Variants in TMEM50B observed in about 807,000 individuals in gnomAD.
TMEM50B encodes transmembrane protein 50B, also known as HCV p7-trans-regulated protein 3.
In TMEM50B, 14 loss-of-function variants were observed where a neutral mutation model predicts 23.4. The ratio of observed to expected loss-of-function variants is 0.60; its 90% confidence interval spans 0.39 to 0.93. TMEM50B has a LOEUF of 0.93. Among genes scored for constraint, TMEM50B ranks in the 40% least tolerant of loss-of-function variants. The pLI, the probability that TMEM50B is intolerant of heterozygous loss-of-function variation, is 0.00. For synonymous variants in TMEM50B, 64 were observed against 62.3 expected (o/e 1.03, Z -0.13); for missense variants, 159 against 193.0 (o/e 0.82, Z 1.04).
At chr21:33,466,825 A>C in intron 3 of TMEM50B, among the ~76,000 whole-genome samples, 185 bp downstream of exon 3, 1 of 152,348 alleles carries the variant, frequency 6.6e-6, no homozygotes, top group East Asian at 1.9e-4. Context: ...CTAAAAAGAT[A>C]TATGACCAAA....
intron 8 of TMEM50B, among the ~76,000 whole-genome samples, chr21:33,436,087 G>GT (rs1433854383): frequency 1.3e-5 from 2 of 151,764 alleles, no homozygotes; most frequent in Non-Finnish European, 2.9e-5. Flanking sequence ...GCCGGGTGCA[G>GT]TGGCTCACAC....
intron 7 of TMEM50B, among the ~76,000 whole-genome samples, chr21:33,443,728 G>GT (rs1247859006): frequency 3.9e-5 from 6 of 152,128 alleles, no homozygotes; most frequent in Non-Finnish European, 8.8e-5. Flanking sequence ...CTTTGGCATC[G>GT]TATCGCAGTG....
chr21:33,470,259 G>A (rs968573997), intron 1 of TMEM50B, among the ~76,000 whole-genome samples: 6 of 151,274 alleles, frequency 4.0e-5, no homozygotes, highest in African/African-American at 1.5e-4. Context: ...ATCATTTGAG[G>A]TCACGAGTTC....
At chr21:33,467,892 A>T (rs929742555) in intron 2 of TMEM50B, among the ~76,000 whole-genome samples, 5 of 152,196 alleles carry the variant, frequency 3.3e-5, no homozygotes, top group Admixed American at 1.3e-4. Flanking sequence ...TGCTTCCAAA[A>T]AATGCTGTGG....
chr21:33,439,065 G>A (rs1255709137), intron 8 of TMEM50B: 2 of 152,218 alleles, frequency 1.3e-5, no homozygotes, highest in Non-Finnish European at 2.9e-5. Context: ...GTACCATGCT[G>A]TCTGCAGTGG....
At chr21:33,464,799 C>G (rs929715654) in intron 4 of TMEM50B, among the ~76,000 whole-genome samples, 3 of 52,144 alleles carry the variant, frequency 5.8e-5, no homozygotes, top group Non-Finnish European at 1.1e-4. Context: ...AGCTAAACTC[C>G]GTCTCAAAAA....
intron 1 of TMEM50B, among the ~76,000 whole-genome samples, chr21:33,471,717 A>T (rs549644356): frequency 2.6e-5 from 4 of 152,296 alleles, no homozygotes; most frequent in African/African-American, 9.6e-5. Flanking sequence ...CTAAAAAATA[A>T]ATTAAAATGT....
At chr21:33,474,875 A>G (rs909693198) in intron 1 of TMEM50B, among the ~76,000 whole-genome samples, 1 of 116,310 alleles carries the variant, frequency 8.6e-6, no homozygotes, top group South Asian at 3.4e-4. Flanking sequence ...AAACACAAAC[A>G]AATCAGGACA....
chr21:33,434,980 GT>G (rs1440895168), intron 8 of TMEM50B, among the ~76,000 whole-genome samples: 1 of 152,218 alleles, frequency 6.6e-6, no homozygotes, highest in Admixed American at 6.5e-5. Flanking sequence ...AGGTCTCTGA[GT>G]TACATGGGAA....
At chr21:33,447,459 A>G (rs1193836069), downstream of TMEM50B, among the ~76,000 whole-genome samples, 1 of 152,142 alleles carries the variant, frequency 6.6e-6, no homozygotes, top group East Asian at 1.9e-4. Context: ...CTCCATAAAA[A>G]AGAACAATGA....
intron 2 of TMEM50B, among the ~76,000 whole-genome samples, chr21:33,467,916 T>C (rs1161752790): frequency 2.0e-5 from 3 of 152,128 alleles, no homozygotes; most frequent in Non-Finnish European, 4.4e-5. Flanking sequence ...CCAGGAATGG[T>C]AGTATGAACC....
intron 8 of TMEM50B, among the ~76,000 whole-genome samples, chr21:33,438,596 G>A (rs890672773): frequency 1.2e-4 from 18 of 152,076 alleles, no homozygotes; most frequent in Admixed American, 6.6e-4. Flanking sequence ...TCAGGAGTTC[G>A]AGACCAGCCT....
At chr21:33,435,774 T>A (rs377004384) in intron 8 of TMEM50B, among the ~76,000 whole-genome samples, 2 of 148,692 alleles carry the variant, frequency 1.3e-5, no homozygotes, top group Non-Finnish European at 3.0e-5. Flanking sequence ...TCCCAGCTAC[T>A]TGGGAGGCTG....
At chr21:33,477,765 A>G (rs932890561) in intron 1 of TMEM50B, among the ~76,000 whole-genome samples, 5 of 150,274 alleles carry the variant, frequency 3.3e-5, no homozygotes, top group Admixed American at 2.6e-4. Context: ...GAGCCACGAT[A>G]GCGCCATTGC....
chr21:33,456,154 G>A (rs148119123), intron 5 of TMEM50B: 1 of 474,838 alleles, frequency 2.1e-6, no homozygotes, highest in East Asian at 6.4e-5. Flanking sequence ...TAAACAGTCT[G>A]TTAATTTATT....
In TMEM50B at chr21:33,473,654, C is replaced by CAA. The variant is rs145070351; in HGVS notation, c.-41-4730_-41-4729dup. Among the ~76,000 whole-genome samples the CAA allele has an allele frequency of 1.2e-3, 137 of 118,918 alleles. 4 individuals are homozygous for CAA. The highest frequency in any genetic ancestry group is 3.2e-3 in the South Asian group (12 of 3,768). 78.0% of individuals were successfully genotyped at this position (118,918 alleles called of 152,430 possible). A position where few individuals can be genotyped will look rare whatever the true frequency, so the allele number is the denominator to read the frequency against. On this transcript the variant is annotated intron_variant, in intron 1 of 6. Coordinates refer to ENST00000542230, the MANE Select transcript of TMEM50B (RefSeq NM_006134.7). ...CAGGTGACACAGTGAGACCTTGTCT[C>CAA]AAAAAAAAAAAAAAACAAGAAGGTG... is the stretch of plus-strand genomic sequence containing the variant.
intron 7 of TMEM50B, among the ~76,000 whole-genome samples, chr21:33,443,833 C>T (rs963613600): frequency 1.3e-5 from 2 of 151,766 alleles, no homozygotes; most frequent in Non-Finnish European, 2.9e-5. Flanking sequence ...CAGACCAAAG[C>T]AAATGTAGTA....
rs147221464 is a variant in TMEM50B, at chr21:33,472,544, GAAGAA to G, written c.-41-3623_-41-3619del. ...ATATATGTAATTAAAGTTCCCAGAAGAAGAAAAGACAGAATAAGAAATAAAAAAAT... is the reference window on the plus strand; with the variant it reads ...ATATATGTAATTAAAGTTCCCAGAAGAAGACAGAATAAGAAATAAAAAAAT... On this transcript the variant is annotated intron_variant, in intron 1 of 6. Transcript: ENST00000542230. Among the ~76,000 whole-genome samples, 58 of 151,956 alleles carry G rather than the reference GAAGAA, an allele frequency of 3.8e-4. 1 individual carries two copies. In the East Asian group the frequency reaches 0.01, roughly 27 times the overall value.
chr21:33,478,932 A>C (rs537983103), intron 1 of TMEM50B: 1 of 423,132 alleles, frequency 2.4e-6, no homozygotes, highest in East Asian at 7.4e-5. Flanking sequence ...CCGAAAAGAG[A>C]AAATCGGGTC....
Sources: gnomAD v4.1 joint callset for allele counts (sites outside exome capture counted in the v4.1 genomes callset) on GRCh38, gnomAD v4.1.1 for gene constraint, MANE v1.5 for transcripts, NCBI Gene and HGNC (gene_info 2026-07-23, HGNC 2026-07-21) for gene names.